Variants in ADGRL2 observed in about 807,000 individuals in gnomAD.
ADGRL2 encodes the protein calcium-independent alpha-latrotoxin receptor 2.
In ADGRL2, 44 loss-of-function variants were observed where a neutral mutation model predicts 157.4. That is an observed-to-expected ratio of 0.28 (90% CI 0.22 to 0.36). ADGRL2 has a LOEUF of 0.36. ADGRL2 is among the 10% of genes least tolerant of loss of function. ADGRL2 has a pLI of 1.00. For missense variants in ADGRL2, 1,510 were observed against 1,768.9 expected (o/e 0.85, Z 2.63); for synonymous variants, 585 against 624.7 (o/e 0.94, Z 0.95).
chr1:81,820,483 ATTAG>A (rs1004281346), intron 1 of ADGRL2, among the ~76,000 whole-genome samples: 1 of 152,150 alleles, frequency 6.6e-6, no homozygotes, highest in Non-Finnish European at 1.5e-5. Flanking sequence ...AAATCTGAAT[ATTAG>A]TTCACATATT....
At chr1:81,825,359 C>CT (rs1168431830) in intron 1 of ADGRL2, among the ~76,000 whole-genome samples, 3 of 151,804 alleles carry the variant, frequency 2.0e-5, no homozygotes, top group Non-Finnish European at 2.9e-5. Context: ...AAGACGCTCT[C>CT]TTTTTTTTGA....
At chr1:81,733,463 C>A (rs528888583) in intron 1 of ADGRL2, among the ~76,000 whole-genome samples, 1 of 152,296 alleles carries the variant, frequency 6.6e-6, no homozygotes, top group African/African-American at 2.4e-5. Context: ...CTGGTCTTTC[C>A]TCCATGTGCA....
chr1:81,414,653 T>C (rs755384477), intron 1 of ADGRL2, among the ~76,000 whole-genome samples: 8 of 152,190 alleles, frequency 5.3e-5, no homozygotes, highest in Admixed American at 1.3e-4. Context: ...ACGTGCTCTT[T>C]GGAGGATATT....
intron 1 of ADGRL2, among the ~76,000 whole-genome samples, chr1:81,836,231 C>A (rs997632673): frequency 6.6e-6 from 1 of 151,926 alleles, no homozygotes; most frequent in African/African-American, 2.4e-5. Flanking sequence ...CTGGAGAAAA[C>A]TTGGTGTAAG....
At chr1:81,921,269 G>A (rs1157726730) in intron 3 of ADGRL2, among the ~76,000 whole-genome samples, 1 of 152,082 alleles carries the variant, frequency 6.6e-6, no homozygotes, top group East Asian at 1.9e-4. Context: ...ACTACTTTAA[G>A]TATTATAATA....
intron 3 of ADGRL2, among the ~76,000 whole-genome samples, chr1:81,655,730 C>A (rs1231599172): frequency 6.6e-6 from 1 of 152,110 alleles, no homozygotes; most frequent in East Asian, 1.9e-4. Flanking sequence ...CTTTGTGATA[C>A]CATCCTTGAT....
In ADGRL2 at chr1:81,993,679, A is replaced by C. The variant is rs2149570972; in HGVS notation, c.*2534A>C. On this transcript the variant is annotated 3_prime_UTR_variant, in exon 24 of 24. Transcript: ENST00000686636. ...ATCTAGGATTCCCTTAGTACAAGGT[A>C]GTTTCTTAGGTTTGTAATTACTAAA... Among the ~76,000 whole-genome samples the C allele has an allele frequency of 6.6e-6, 1 of 152,258 alleles. No individual in the cohort carries two copies. The highest frequency in any genetic ancestry group is 1.5e-5 in the Non-Finnish European group (1 of 68,024).
intron 1 of ADGRL2, among the ~76,000 whole-genome samples, chr1:81,717,191 G>A (rs2149104716): frequency 6.6e-6 from 1 of 152,268 alleles, no homozygotes; most frequent in Middle Eastern, 3.4e-3. Context: ...TGGAACATTT[G>A]AATGCACTTG....
intron 2 of ADGRL2, among the ~76,000 whole-genome samples, chr1:81,531,290 A>G (rs2079592259): frequency 6.6e-6 from 1 of 152,176 alleles, no homozygotes; most frequent in African/African-American, 2.4e-5. Context: ...TCAACATAAT[A>G]GATTGCATGT....
At chr1:81,548,633 C>A (rs904438843) in intron 2 of ADGRL2, among the ~76,000 whole-genome samples, 4 of 152,072 alleles carry the variant, frequency 2.6e-5, no homozygotes, top group African/African-American at 4.8e-5. Context: ...TAGGTATTTT[C>A]ACTCTCAATT....
chr1:81,877,846 A>G (rs2093881862), intron 2 of ADGRL2, among the ~76,000 whole-genome samples: 1 of 152,150 alleles, frequency 6.6e-6, no homozygotes, highest in African/African-American at 2.4e-5. Context: ...TCTGCTTAAT[A>G]GCGATTAAAT....
intron 11 of ADGRL2, among the ~76,000 whole-genome samples, chr1:81,962,054 C>G (rs990111769): frequency 5.9e-5 from 9 of 152,266 alleles, no homozygotes; most frequent in African/African-American, 2.2e-4. Context: ...CCTACACACA[C>G]ATACTCCCTA....
intron 1 of ADGRL2, among the ~76,000 whole-genome samples, chr1:81,724,985 C>G (rs1237726358): frequency 6.6e-6 from 1 of 151,760 alleles, no homozygotes; most frequent in African/African-American, 2.4e-5. Context: ...GCAGGTGGAT[C>G]ACAAGGTCAG....
At chr1:81,536,104 A>T (rs999702706) in intron 2 of ADGRL2, among the ~76,000 whole-genome samples, 1 of 152,194 alleles carries the variant, frequency 6.6e-6, no homozygotes, top group African/African-American at 2.4e-5. Flanking sequence ...TGCTATCTTT[A>T]CTGTTCATCT....
intron 1 of ADGRL2, among the ~76,000 whole-genome samples, chr1:81,360,908 G>A (rs1440993403): frequency 6.6e-6 from 1 of 151,804 alleles, no homozygotes; most frequent in African/African-American, 2.4e-5. Context: ...TGCATGCTGG[G>A]AAGAAGACTT....
At chr1:81,606,385 G>A (rs1353609128) in intron 3 of ADGRL2, among the ~76,000 whole-genome samples, 1 of 152,026 alleles carries the variant, frequency 6.6e-6, no homozygotes, top group Non-Finnish European at 1.5e-5. Context: ...TCTTTGTATA[G>A]TGGTGAATTT....
intron 1 of ADGRL2, among the ~76,000 whole-genome samples, chr1:81,827,381 G>T (rs1349437390): frequency 6.6e-6 from 1 of 152,110 alleles, no homozygotes; most frequent in Non-Finnish European, 1.5e-5. Flanking sequence ...TACCTCAGGG[G>T]TCTTGTCCAA....
At chr1:81,372,087 G>A (rs1255548198) in intron 1 of ADGRL2, among the ~76,000 whole-genome samples, 5 of 152,066 alleles carry the variant, frequency 3.3e-5, no homozygotes, top group Admixed American at 2.0e-4. Flanking sequence ...ATGTCAAAGC[G>A]AAACAAACAA....
chr1:81,606,788 G>A (rs892197733), intron 3 of ADGRL2, among the ~76,000 whole-genome samples: 1 of 151,710 alleles, frequency 6.6e-6, no homozygotes, highest in Admixed American at 6.6e-5. Context: ...ACGCGTGTGT[G>A]TGTGTTTATG....
Sources: allele counts gnomAD v4.1 joint callset (sites outside exome capture counted in the v4.1 genomes callset), GRCh38; gene constraint gnomAD v4.1.1; transcripts MANE v1.5; gene names NCBI Gene and HGNC (gene_info 2026-07-23, HGNC 2026-07-21).